The following PDXK variants were observed in gnomAD, a reference collection of about 807,000 sequenced individuals.
PDXK encodes the protein epididymis secretory sperm binding protein Li 1a.
Under a neutral mutation model 43.2 loss-of-function variants are expected in PDXK, and 15 were observed. The observed-to-expected ratio is 0.35, with a 90% CI of 0.23 to 0.53. The LOEUF (loss-of-function observed/expected upper bound fraction) is 0.53. Ranked by LOEUF, PDXK falls within the 20% of genes least tolerant of loss-of-function variation. PDXK has a pLI of 0.92. For missense variants in PDXK, 343 were observed against 417.0 expected, an observed-to-expected ratio of 0.82 and a Z score of 1.54; for synonymous variants, 172 against 165.4, an observed-to-expected ratio of 1.04 and a Z score of -0.31.
At chr21:43,725,676 T>G (rs2083246595) in intron 1 of PDXK, among the ~76,000 whole-genome samples, 1 of 151,988 alleles carries the variant, frequency 6.6e-6, no homozygotes, top group African/African-American at 2.4e-5. Flanking sequence ...CCGGGCGTGG[T>G]GGCACACTAC....
chr21:43,730,318 G>A (rs2083302005), intron 1 of PDXK, among the ~76,000 whole-genome samples: 1 of 152,100 alleles, frequency 6.6e-6, no homozygotes. Context: ...TAGAGACGGG[G>A]TTTTGCCATG....
In PDXK at chr21:43,754,827, C is replaced by G. The variant is rs1019233812; in HGVS notation, c.760-871C>G. On this transcript the variant is annotated intron_variant, in intron 9 of 10. Coordinates refer to ENST00000291565, the MANE Select transcript of PDXK (RefSeq NM_003681.5). This position sits in a 1 kb window ranked among gnomAD's most constrained non-coding sequence, Gnocchi z 5.5. ...GCCGCTTAAGGGGCCACGTGTCCCC[C>G]GGGGTACACCTCCTCCCCAACAAGT... Among the ~76,000 whole-genome samples the G allele has an allele frequency of 6.6e-6, 1 of 152,124 alleles. No individual in the cohort carries two copies. Among genetic ancestry groups the G allele is most frequent in the South Asian group, 2.1e-4 (1 of 4,828 alleles).
chr21:43,719,796 C>G (rs2083191739), intron 1 of PDXK: 1 of 985,362 alleles, frequency 1.0e-6, no homozygotes, highest in South Asian at 4.7e-5. Flanking sequence ...GACCTTGCCC[C>G]GCTGGAACGC....
Position 43,719,340 on chromosome 21 carries a change from C to T in PDXK, c.46C>T (p.Arg16Cys). 1 of 1,525,592 alleles carries T rather than the reference C, an allele frequency of 6.6e-7. No homozygotes were observed. Among genetic ancestry groups the T allele is most frequent in the Non-Finnish European group, 8.8e-7 (1 of 1,137,818 alleles). 94.5% of individuals were successfully genotyped at this position (1,525,592 alleles called of 1,614,324 possible). ...RVLSIQSHVI[R>C]GYVGNRAATF... ...GCTCTCCATACAGAGCCACGTCATC[C>T]GCGGCTACGTGGGCAACCGGGCGGC... Residue 16 changes from arginine to cysteine, a missense_variant, in exon 1 of 11, where the codon CGC becomes TGC. Physicochemically the swap from Arg to Cys is radical, Grantham distance 180. Coordinates refer to ENST00000291565, the MANE Select transcript of PDXK (RefSeq NM_003681.5).
chr21:43,755,907 G>T (rs374649263), intron 10 of PDXK, 44 bp from the exon 11 acceptor site: 38 of 1,502,756 alleles, frequency 2.5e-5, no homozygotes, highest in Non-Finnish European at 3.3e-5. Context: ...AACAGCGGGA[G>T]CCCCTCTGAG....
intron 1 of PDXK, among the ~76,000 whole-genome samples, chr21:43,726,874 G>C (rs1003073771): frequency 6.6e-6 from 1 of 152,064 alleles, no homozygotes; most frequent in African/African-American, 2.4e-5. Context: ...TGTGTATGTG[G>C]GTGTGCTTGT....
In PDXK at chr21:43,761,189, G is replaced by C. The variant is rs2083927226; in HGVS notation, c.*5126G>C. On this transcript the variant is annotated 3_prime_UTR_variant, in exon 11 of 11. Transcript: ENST00000291565. The stretch of plus-strand genomic sequence containing the variant: ...CCCTTCCATCTCTGACCCTTGCCTG[G>C]GACAAGCTTTGATGGGGGGCCCCAG... The C allele has an allele frequency of 6.6e-6, 1 of 152,194 alleles. No homozygotes were observed. Among genetic ancestry groups the C allele is most frequent in the Non-Finnish European group, 1.5e-5 (1 of 68,042 alleles). 9.4% of individuals were successfully genotyped at this position (152,194 alleles called of 1,614,324 possible).
rs1358407494 is a variant in PDXK at position 43,737,864 on chromosome 21, C to T, written c.142+3741C>T. 2 of 985,364 alleles carry T rather than the reference C, an allele frequency of 2.0e-6. No homozygotes were observed. Among genetic ancestry groups the T allele is most frequent in the Non-Finnish European group, 2.4e-6 (2 of 829,944 alleles). The allele number at this position is 985,364 out of a possible 1,614,324, so 61.0% of individuals were successfully genotyped here. On this transcript the variant is annotated intron_variant, in intron 2 of 10. Transcript: ENST00000291565. This position sits in a 1 kb window ranked among gnomAD's most constrained non-coding sequence, Gnocchi z 4.8. ...TCATCTGTAAATGGAATGAGTTGGACACAAGATCCAAGCGCCCTCCCCTGT... is the reference window on the plus strand; with the variant it reads ...TCATCTGTAAATGGAATGAGTTGGATACAAGATCCAAGCGCCCTCCCCTGT...
intron 3 of PDXK, 49 bp from the exon 4 acceptor site, chr21:43,743,675 G>A (rs374840716): frequency 2.1e-5 from 27 of 1,285,556 alleles, no homozygotes; most frequent in African/African-American, 2.0e-4. Flanking sequence ...ACAGTTGATC[G>A]TGGTGAGTCT....
At chr21:43,726,511 C>T (rs866325071) in intron 1 of PDXK, among the ~76,000 whole-genome samples, 14 of 152,122 alleles carry the variant, frequency 9.2e-5, no homozygotes, top group African/African-American at 2.4e-4. Context: ...ATCCTGACCT[C>T]GGGATCTGCC....
rs749035920 is a variant in PDXK at position 43,755,678 on chromosome 21, C to T, written c.760-20C>T. The stretch of plus-strand genomic sequence containing the variant: ...TGTTGTGAGTGGGCCAGGGGCACAG[C>T]AAGTCTGTCCTCCCTGCAGGTGGCC... On this transcript the variant is annotated intron_variant, in intron 9 of 10. Transcript: ENST00000291565. The T allele has an allele frequency of 6.2e-7, 1 of 1,604,606 alleles. No homozygotes were observed. Among genetic ancestry groups the T allele is most frequent in the South Asian group, 1.1e-5 (1 of 90,960 alleles).
In PDXK at chr21:43,737,354, G is replaced by A. The variant is rs960285133; in HGVS notation, c.142+3231G>A. ...GGCCAGGCCCCCGTTCCTTGAGGCC[G>A]TACCACAAGGTGCGTTCATTTTTCC... On this transcript the variant is annotated intron_variant, in intron 2 of 10. Coordinates refer to ENST00000291565, the MANE Select transcript of PDXK (RefSeq NM_003681.5). This position sits in a 1 kb window ranked among gnomAD's most constrained non-coding sequence, Gnocchi z 4.8. 111 of 1,286,412 alleles carry A rather than the reference G, an allele frequency of 8.6e-5. No individual in the cohort carries two copies. Among genetic ancestry groups the A allele is most frequent in the Middle Eastern group, 3.1e-4 (1 of 3,248 alleles). The allele number at this position is 1,286,412 out of a possible 1,614,324, so 79.7% of individuals were successfully genotyped here.
At chr21:43,728,291 G>A (rs1836379585) in intron 1 of PDXK, among the ~76,000 whole-genome samples, 1 of 152,004 alleles carries the variant, frequency 6.6e-6, no homozygotes, top group African/African-American at 2.4e-5. Flanking sequence ...TGTGCCCCAG[G>A]TTGATCAGGG....
In PDXK at chr21:43,719,469, G is replaced by A. The variant is rs1601774009; in HGVS notation, c.87+88G>A. On this transcript the variant is annotated intron_variant, in intron 1 of 10. Coordinates refer to ENST00000291565, the MANE Select transcript of PDXK (RefSeq NM_003681.5). ...CGAGACGAGCCTCAGTTCCCCGAGGGAGGCTCGGGAGCTGCGGGCAGAGCC... is the reference window on the plus strand; with the variant it reads ...CGAGACGAGCCTCAGTTCCCCGAGGAAGGCTCGGGAGCTGCGGGCAGAGCC... 8.9e-6 allele frequency: 12 copies of A among 1,353,956 alleles called. No homozygotes were observed. The East Asian group carries it at 2.5e-4, about 28-fold the overall frequency. 83.9% of individuals were successfully genotyped at this position (1,353,956 alleles called of 1,614,324 possible).
chr21:43,748,319 C>G (rs1054231116), intron 5 of PDXK: 3 of 152,166 alleles, frequency 2.0e-5, no homozygotes, highest in East Asian at 1.9e-4. Context: ...TGGCGAAACC[C>G]CGTCTCTACT....
chr21:43,724,554 C>A (rs1168885076), intron 1 of PDXK, among the ~76,000 whole-genome samples: 1 of 151,952 alleles, frequency 6.6e-6, no homozygotes, highest in Admixed American at 6.6e-5. Context: ...ATTTAAGCAT[C>A]CCCAAGCCCA....
In PDXK at chr21:43,732,896, G is replaced by C. The variant is rs2083338951; in HGVS notation, c.88-1173G>C. Among the ~76,000 whole-genome samples, 1 of 152,008 alleles carries C rather than the reference G, an allele frequency of 6.6e-6. No homozygotes were observed. The highest frequency in any genetic ancestry group is 2.4e-5 in the African/African-American group (1 of 41,374). On this transcript the variant is annotated intron_variant, in intron 1 of 10. Transcript: ENST00000291565. This position sits in a 1 kb window ranked among gnomAD's most constrained non-coding sequence, Gnocchi z 4.1. ...CGAGTAGCTGGGACTACAGACATGTGCCACCACGCCCGGCTAATTTCTGTA... is the reference window on the plus strand; with the variant it reads ...CGAGTAGCTGGGACTACAGACATGTCCCACCACGCCCGGCTAATTTCTGTA...
chr21:43,744,391 G>C (rs1175354091), intron 4 of PDXK: 1 of 161,200 alleles, frequency 6.2e-6, no homozygotes, highest in African/African-American at 2.4e-5. Flanking sequence ...GCTCTCTCTG[G>C]GGCACAGGTC....
rs1022124516 is a variant in PDXK, at chr21:43,754,501, T to C, written c.759+782T>C. Among the ~76,000 whole-genome samples, 3 of 151,960 alleles carry C rather than the reference T, an allele frequency of 2.0e-5. No individual in the cohort carries two copies. Among genetic ancestry groups the C allele is most frequent in the African/African-American group, 7.3e-5 (3 of 41,356 alleles). ...TCGGCAGGTGGTTTTGTCAGCTGAG[T>C]CCGAGGACGCCTGGAGTGTGTCTTC... On this transcript the variant is annotated intron_variant, in intron 9 of 10. Coordinates refer to ENST00000291565, the MANE Select transcript of PDXK (RefSeq NM_003681.5). The surrounding 1 kb of genome is among the most constrained non-coding windows in gnomAD (Gnocchi z 5.5).
Sources: gnomAD v4.1 joint callset for allele counts (sites outside exome capture counted in the v4.1 genomes callset) on GRCh38, gnomAD v4.1.1 for gene constraint, Gnocchi (gnomAD v3.1) non-coding constraint, MANE v1.5 for transcripts, NCBI Gene and HGNC (gene_info 2026-07-23, HGNC 2026-07-21) for gene names.